MAK: variants seen among roughly 807,000 people sequenced by gnomAD.
The protein encoded by MAK is male germ cell associated kinase.
In MAK, 65 loss-of-function variants were observed where a neutral mutation model predicts 82.6. The ratio of observed to expected loss-of-function variants is 0.79; its 90% CI spans 0.64 to 0.97. The LOEUF (loss-of-function observed/expected upper bound fraction) is 0.97, where lower values mean the gene tolerates loss of function less well. MAK is among the 50% of genes least tolerant of loss of function. The pLI, the probability that MAK is intolerant of heterozygous loss-of-function variation, is 0.00. For synonymous variants in MAK, 250 were observed against 274.2 expected (o/e 0.91, Z 0.87); for missense variants, 703 against 780.2 (o/e 0.90, Z 1.18).
At chr6:10,767,534 G>A (rs534770056) in intron 14 of MAK, among the ~76,000 whole-genome samples, 5 of 152,208 alleles carry the variant, frequency 3.3e-5, no homozygotes, top group Admixed American at 1.3e-4. Flanking sequence ...GGCCAGGTGC[G>A]GTGGCTCATG....
chr6:10,837,504 G>A (rs977308479), intron 1 of MAK, among the ~76,000 whole-genome samples: 6 of 152,216 alleles, frequency 3.9e-5, no homozygotes, highest in African/African-American at 1.4e-4. Flanking sequence ...TTGAAGGGCC[G>A]GGGAGGCGGG....
chr6:10,821,378 C>T (rs1424382635), intron 2 of MAK, among the ~76,000 whole-genome samples: 1 of 152,154 alleles, frequency 6.6e-6, no homozygotes, highest in Admixed American at 6.5e-5. Context: ...CAGGTTCAAG[C>T]GATTCTCCTA....
chr6:10,829,308 CAT>C (rs1778603567), intron 2 of MAK: 1 of 152,166 alleles, frequency 6.6e-6, no homozygotes. Context: ...AGGAATATAA[CAT>C]ATATCATTCA....
chr6:10,797,782 G>A (rs182836369), intron 8 of MAK: 1 of 1,253,644 alleles, frequency 8.0e-7, no homozygotes, highest in African/African-American at 1.6e-5. Context: ...AGGAACAGAA[G>A]GCAGCTTGGT....
At chr6:10,779,928 C>T (rs1773814383) in intron 11 of MAK, among the ~76,000 whole-genome samples, 1 of 152,166 alleles carries the variant, frequency 6.6e-6, no homozygotes, top group Non-Finnish European at 1.5e-5. Flanking sequence ...CTCAGGTGAT[C>T]CACCGGCTTT....
intron 5 of MAK, among the ~76,000 whole-genome samples, chr6:10,810,113 AAAGAAAG>A (rs1776806302): frequency 5.9e-5 from 8 of 136,026 alleles, no homozygotes; most frequent in East Asian, 2.0e-4. Flanking sequence ...AAAAAAAAAA[AAAGAAAG>A]AAAAGAAAAA....
intron 13 of MAK, 58 bp downstream of exon 13, chr6:10,772,976 G>A: frequency 2.5e-6 from 3 of 1,188,306 alleles, no homozygotes. Context: ...ATGTTGAGAA[G>A]AAAATCAGAC....
At chr6:10,810,117 AAAG>A (rs1380106160) in intron 5 of MAK, among the ~76,000 whole-genome samples, 1 of 22,356 alleles carries the variant, frequency 4.5e-5, no homozygotes, top group Non-Finnish European at 8.0e-5. Context: ...AAAAAAAAAG[AAAG>A]AAAAGAAAAA....
At chr6:10,802,100 C>A (rs1776060965) in intron 7 of MAK, 41 bp from the exon 8 acceptor site, 1 of 1,564,432 alleles carries the variant, frequency 6.4e-7, no homozygotes. Context: ...GAGGGCAAAA[C>A]AAATTGTTTT....
intron 2 of MAK, among the ~76,000 whole-genome samples, chr6:10,822,326 T>C (rs1778025314): frequency 2.0e-5 from 3 of 150,214 alleles, no homozygotes; most frequent in Admixed American, 6.6e-5. Flanking sequence ...TGGTGGCGCA[T>C]GCCTATAATC....
At chr6:10,804,034 T>C (rs1383895527) in intron 6 of MAK, 143 bp from the exon 7 acceptor site, 2 of 723,296 alleles carry the variant, frequency 2.8e-6, no homozygotes, top group Admixed American at 2.1e-5. Flanking sequence ...CAGGCATTTG[T>C]ACAATGTTCT....
chr6:10,821,342 C>T (rs189136261), intron 2 of MAK, among the ~76,000 whole-genome samples: 1 of 152,156 alleles, frequency 6.6e-6, no homozygotes, highest in Non-Finnish European at 1.5e-5. Flanking sequence ...ATGGCGTGAT[C>T]TCGGCTCACT....
At chr6:10,769,197 G>C (rs1001658619) in intron 14 of MAK, among the ~76,000 whole-genome samples, 1 of 152,214 alleles carries the variant, frequency 6.6e-6, no homozygotes, top group Non-Finnish European at 1.5e-5. Flanking sequence ...CTGGGTGACA[G>C]AGCAAGGCTT....
In MAK at chr6:10,773,038, T is replaced by C. The variant is rs1773158155; in HGVS notation, c.1668A>G (p.Pro556=). The change falls in exon 13 of 15, where the codon CCA becomes CCG. Residue 556 remains proline, a synonymous_variant. Coordinates refer to ENST00000354489, the MANE Select transcript of MAK (RefSeq NM_001242957.3). Reference sequence around the variant, plus strand: ...CATCTGACGCCCAGAAATTACCTTGTGGGTCCTCTAATTTTTCAGGAAAAG... The same window carrying C: ...CATCTGACGCCCAGAAATTACCTTGCGGGTCCTCTAATTTTTCAGGAAAAG... ...NETFPEKLED[P]QGNLGSYATY... The C allele has an allele frequency of 4.6e-6, 7 of 1,528,044 alleles. No homozygotes were observed. The highest frequency in any genetic ancestry group is 6.1e-6 in the Non-Finnish European group (7 of 1,139,766). The allele number at this position is 1,528,044 out of a possible 1,614,324, so 94.7% of individuals were successfully genotyped here.
In MAK at chr6:10,796,006, T is replaced by G; in HGVS notation, c.1135A>C (p.Met379Leu). 1 of 1,613,830 alleles carries G rather than the reference T, an allele frequency of 6.2e-7. No individual in the cohort carries two copies. The highest frequency in any genetic ancestry group is 8.5e-7 in the Non-Finnish European group (1 of 1,179,710). Reference protein sequence around the residue: ...QTLFPSIVKNMPTKPNGTLSH... With the variant: ...QTLFPSIVKNLPTKPNGTLSH... ...CATGACTGGCTACTCACAGTTGGCA[T>G]GTTTTTGACGATGCTCGGGAATAGC... Residue 379 changes from methionine to leucine, a missense_variant, in exon 9 of 15, where the codon ATG (methionine) becomes CTG (leucine). By Grantham distance (15) the Met-to-Leu change is conservative (BLOSUM62 2). Coordinates refer to ENST00000354489, the MANE Select transcript of MAK (RefSeq NM_001242957.3).
At chr6:10,784,208 T>A (rs1377231778) in intron 11 of MAK, among the ~76,000 whole-genome samples, 2 of 152,166 alleles carry the variant, frequency 1.3e-5, no homozygotes, top group African/African-American at 4.8e-5. Flanking sequence ...ATATTCATCA[T>A]CTTGATTTTT....
intron 2 of MAK, 73 bp from the exon 3 acceptor site, chr6:10,819,013 C>T (rs1777716477): frequency 2.5e-6 from 2 of 815,276 alleles, no homozygotes; most frequent in Non-Finnish European, 2.1e-6. Flanking sequence ...TGTTGGCTTT[C>T]TTACTCCACT....
At chr6:10,784,644 G>T in intron 10 of MAK, 72 bp from the exon 11 acceptor site, 2 of 1,376,124 alleles carry the variant, frequency 1.5e-6, no homozygotes, top group South Asian at 2.3e-5. Flanking sequence ...TGCACATCTC[G>T]CCCACCCTCT....
In MAK at chr6:10,765,440, A is replaced by ATTTTTTTTTTTT. The variant is rs200536068; in HGVS notation, c.1793-846_1793-835dup. ...TTAAAATGTGGGTTTTAGAATGAAG[A>ATTTTTTTTTTTT]TTTTTTTTTTTTTTTTTTTTTTTTT... On this transcript the variant is annotated intron_variant, in intron 14 of 14. Coordinates refer to ENST00000354489, the MANE Select transcript of MAK (RefSeq NM_001242957.3). 7.7e-5 allele frequency among the ~76,000 whole-genome samples: 10 copies of ATTTTTTTTTTTT among 130,644 alleles called. 1 individual carries two copies. Among genetic ancestry groups the ATTTTTTTTTTTT allele is most frequent in the African/African-American group, 2.7e-4 (8 of 30,008 alleles). The allele number at this position is 130,644 out of a possible 152,430, so 85.7% of individuals were successfully genotyped here.
Sources: allele counts gnomAD v4.1 joint callset (sites outside exome capture counted in the v4.1 genomes callset), GRCh38; gene constraint gnomAD v4.1.1; transcripts MANE v1.5; gene names NCBI Gene and HGNC (gene_info 2026-07-23, HGNC 2026-07-21).